VPS53: variants seen among roughly 807,000 people sequenced by gnomAD.
The protein encoded by VPS53 is VPS53 subunit of GARP complex.
In VPS53, 70 loss-of-function variants were observed where a neutral mutation model predicts 107.0. That is an observed-to-expected ratio of 0.65 (90% CI 0.54 to 0.80). VPS53 has a LOEUF of 0.80. Among genes scored for constraint, VPS53 ranks in the 30% least tolerant of loss-of-function variants. The probability of loss-of-function intolerance (pLI) is 0.00; values close to 1 mark genes in which losing one functional copy is unlikely to be tolerated. For synonymous variants in VPS53, 409 were observed against 393.3 expected (o/e 1.04, Z -0.47); for missense variants, 917 against 1,049.4 (o/e 0.87, Z 1.74).
At position 623,689 on chromosome 17, in the gene VPS53, G is replaced by C. The variant is rs767007085; in HGVS notation, c.975-15C>G. On this transcript the variant is annotated splice_polypyrimidine_tract_variant and intron_variant, in intron 10 of 21. Coordinates refer to ENST00000437048, the MANE Select transcript of VPS53 (RefSeq NM_001128159.3). ...CAAGTTCTGCCCTTCAAAACAAAGA[G>C]ATAAGAATACTATCAAACAAGCTGA... is the stretch of plus-strand genomic sequence containing the variant. 4.4e-6 allele frequency: 7 copies of C among 1,602,486 alleles called. No homozygotes were observed. Among genetic ancestry groups the C allele is most frequent in the Non-Finnish European group, 6.0e-6 (7 of 1,171,478 alleles).
rs1968797126 is a variant in VPS53, at chr17:610,192, A to G, written c.1117-8296T>C. On this transcript the variant is annotated intron_variant, in intron 11 of 21. Transcript: ENST00000437048. ...ACACACACACACAAATTAGTAGACA[A>G]AAATATTCATATAGCCCTATTTATA... is the stretch of plus-strand genomic sequence containing the variant. Among the ~76,000 whole-genome samples the G allele has an allele frequency of 2.7e-5, 4 of 150,576 alleles. No individual in the cohort carries two copies. In the South Asian group the frequency reaches 8.4e-4, roughly 32 times the overall value.
intron 17 of VPS53, among the ~76,000 whole-genome samples, chr17:547,125 C>T (rs1295978137): frequency 3.3e-5 from 5 of 152,138 alleles, no homozygotes; most frequent in Non-Finnish European, 7.3e-5. Context: ...GATCTGCCCA[C>T]CTCGGCCTCC....
At chr17:572,345 G>A (rs533954352) in intron 13 of VPS53, among the ~76,000 whole-genome samples, 1,664 of 151,010 alleles carry the variant, frequency 0.011, 22 homozygotes, top group African/African-American at 0.034. Flanking sequence ...CCCTCCGCCC[G>A]GCAGCCGCCC....
At chr17:574,776 T>C (rs1914460972) in intron 13 of VPS53, among the ~76,000 whole-genome samples, 1 of 151,994 alleles carries the variant, frequency 6.6e-6, no homozygotes, top group African/African-American at 2.4e-5. Flanking sequence ...AATAAATAAA[T>C]AAAAATAAAC....
At position 623,775 on chromosome 17, in the gene VPS53, A is replaced by G. The variant is rs545272212; in HGVS notation, c.975-101T>C. 1.4e-5 allele frequency: 19 copies of G among 1,317,344 alleles called. No individual in the cohort carries two copies. In the South Asian group the frequency reaches 2.8e-4, roughly 19 times the overall value. 81.6% of individuals were successfully genotyped at this position (1,317,344 alleles called of 1,614,324 possible). A position where few individuals can be genotyped will look rare whatever the true frequency, so the allele number is the denominator to read the frequency against. ...GCTTATATTCAGAAAAAAAAAATGT[A>G]TGTGGTCATTTCAAACCCTGAGGTC... On this transcript the variant is annotated intron_variant, in intron 10 of 21. Transcript: ENST00000437048.
rs1969760765 is a variant in VPS53 at position 627,417 on chromosome 17, C to T, written c.832-101G>A. On this transcript the variant is annotated intron_variant, in intron 9 of 21. Transcript: ENST00000437048. ...ACAGAGCCAAGCAAAAGGGAACCAA[C>T]CTCTGTATTTCTCATGGTTTTAAAG... 1.4e-5 allele frequency: 19 copies of T among 1,340,304 alleles called. 1 individual carries two copies. In the South Asian group the frequency reaches 2.9e-4, roughly 20 times the overall value. The allele number at this position is 1,340,304 out of a possible 1,614,324, so 83.0% of individuals were successfully genotyped here.
chr17:610,499 A>G (rs1489927506), intron 11 of VPS53, among the ~76,000 whole-genome samples: 2 of 152,210 alleles, frequency 1.3e-5, no homozygotes, highest in African/African-American at 4.8e-5. Context: ...ACTAAACACA[A>G]GCAAGAACAA....
At chr17:545,692 CAAGTACTGTG>C in intron 17 of VPS53, among the ~76,000 whole-genome samples, 1 of 152,208 alleles carries the variant, frequency 6.6e-6, no homozygotes, top group Non-Finnish European at 1.5e-5. Context: ...TACAGTTAAG[CAAGTACTGTG>C]CCATGCCACG....
At chr17:636,244 T>C (rs913855419) in intron 7 of VPS53, among the ~76,000 whole-genome samples, 61 of 152,240 alleles carry the variant, frequency 4.0e-4, no homozygotes, top group African/African-American at 1.4e-3. Flanking sequence ...TAAGAATGCT[T>C]GTGATTTTTG....
intron 13 of VPS53, among the ~76,000 whole-genome samples, chr17:573,744 C>G (rs930258704): frequency 6.6e-5 from 10 of 152,164 alleles, no homozygotes; most frequent in African/African-American, 2.4e-4. Context: ...CTAGCAAGCG[C>G]GAAGCCTCAC....
At chr17:608,204 C>T (rs755197489) in intron 11 of VPS53, among the ~76,000 whole-genome samples, 3 of 152,162 alleles carry the variant, frequency 2.0e-5, no homozygotes, top group African/African-American at 4.8e-5. Context: ...CTCTTGCTAC[C>T]GCCATGTCCA....
intron 13 of VPS53, among the ~76,000 whole-genome samples, chr17:565,504 T>A (rs1913419457): frequency 6.6e-6 from 1 of 151,590 alleles, no homozygotes; most frequent in Non-Finnish European, 1.5e-5. Flanking sequence ...CTAGGCTAAG[T>A]CTCTGTCTGT....
chr17:622,927 C>T lies in VPS53; in HGVS notation c.1116+606G>A, dbSNP rs139305228. 4.0e-5 allele frequency among the ~76,000 whole-genome samples: 6 copies of T among 151,878 alleles called. No homozygotes were observed. The East Asian group carries it at 1.2e-3, about 29-fold the overall frequency. On this transcript the variant is annotated intron_variant, in intron 11 of 21. Transcript: ENST00000437048. Reference sequence around the variant, plus strand: ...CTGGTCTCGAACTCCTGGTCTCAAGCAATCCTGCCTTGGCCTCCCAAAGTG... The same window carrying T: ...CTGGTCTCGAACTCCTGGTCTCAAGTAATCCTGCCTTGGCCTCCCAAAGTG...
intron 19 of VPS53, among the ~76,000 whole-genome samples, chr17:528,749 C>A (rs1909308008): frequency 6.6e-6 from 1 of 152,012 alleles, no homozygotes; most frequent in Non-Finnish European, 1.5e-5. Context: ...CAGGTGCACA[C>A]CACCATGTAC....
In VPS53 at chr17:646,371, C is replaced by T. The variant is rs1316514441; in HGVS notation, c.608+6920G>A. On this transcript the variant is annotated intron_variant, in intron 7 of 21. Transcript: ENST00000437048. ...TACGGACTGGAGATCGGCTCCCACA[C>T]ACATCTCCGTGACCGTGTGGCCACT... Among the ~76,000 whole-genome samples, 2 of 130,328 alleles carry T rather than the reference C, an allele frequency of 1.5e-5. 1 individual carries two copies. Among genetic ancestry groups the T allele is most frequent in the Admixed American group, 1.7e-4 (2 of 11,660 alleles). 85.5% of individuals were successfully genotyped at this position (130,328 alleles called of 152,430 possible).
At chr17:599,209 T>C (rs1968194921) in intron 12 of VPS53, among the ~76,000 whole-genome samples, 1 of 151,250 alleles carries the variant, frequency 6.6e-6, no homozygotes, top group Non-Finnish European at 1.5e-5. Flanking sequence ...TACTGGGAAG[T>C]GAGGAGCCCC....
intron 10 of VPS53, among the ~76,000 whole-genome samples, chr17:626,491 T>G (rs997467632): frequency 6.6e-6 from 1 of 152,072 alleles, no homozygotes; most frequent in Non-Finnish European, 1.5e-5. Context: ...CTGGCCAACG[T>G]GGTGAAACCC....
chr17:561,015 C>T (rs1282687458), intron 14 of VPS53, among the ~76,000 whole-genome samples: 1 of 151,386 alleles, frequency 6.6e-6, no homozygotes, highest in Non-Finnish European at 1.5e-5. Flanking sequence ...GAAGTCTGCA[C>T]TGGAACTCAT....
At chr17:613,498 C>T (rs1968992294) in intron 11 of VPS53, among the ~76,000 whole-genome samples, 2 of 151,996 alleles carry the variant, frequency 1.3e-5, no homozygotes, top group East Asian at 3.9e-4. Flanking sequence ...TGAGTTCACA[C>T]AGTGAAAACC....
Sources: gnomAD v4.1 joint callset for allele counts (sites outside exome capture counted in the v4.1 genomes callset) on GRCh38, gnomAD v4.1.1 for gene constraint, MANE v1.5 for transcripts, NCBI Gene and HGNC (gene_info 2026-07-23, HGNC 2026-07-21) for gene names.